The following COL5A3 variants were observed in gnomAD, a reference collection of about 807,000 sequenced individuals.
COL5A3 encodes the protein collagen alpha-3(V) chain.
Under a neutral mutation model 250.0 loss-of-function variants are expected in COL5A3, and 172 were observed. The ratio of observed to expected loss-of-function variants is 0.69; its 90% CI spans 0.61 to 0.78. The LOEUF is 0.78. Among genes scored for constraint, COL5A3 ranks in the 30% least tolerant of loss-of-function variants. COL5A3 has a pLI of 0.00. For missense variants in COL5A3, 2,340 were observed against 2,334.4 expected, an observed-to-expected ratio of 1.00 and a Z score of -0.05; for synonymous variants, 937 against 900.4, an observed-to-expected ratio of 1.04 and a Z score of -0.73.
intron 45 of COL5A3, among the ~76,000 whole-genome samples, chr19:9,976,169 T>G (rs549417170): frequency 1.3e-5 from 2 of 151,450 alleles, no homozygotes; most frequent in African/African-American, 2.4e-5. Flanking sequence ...GGGGAAGACA[T>G]AGTTGGGTTG....
At chr19:10,001,170 G>C (rs2087354786) in intron 8 of COL5A3, among the ~76,000 whole-genome samples, 1 of 151,402 alleles carries the variant, frequency 6.6e-6, no homozygotes, top group South Asian at 2.1e-4. Context: ...TTTCAAGATG[G>C]AGTCTCACTT....
Position 10,003,624 on chromosome 19 carries a change from T to G in COL5A3, c.790A>C (p.Arg264=). 1 of 1,614,206 alleles carries G rather than the reference T, an allele frequency of 6.2e-7. No homozygotes were observed. The highest frequency in any genetic ancestry group is 1.1e-5 in the South Asian group (1 of 91,082). The change falls in exon 6 of 67, where the codon AGG becomes CGG. Residue 264 remains arginine (R), a synonymous_variant. Transcript: ENST00000264828. ...GTCCAAATTTCCTTGTTCTTTTTCC[T>G]GCCCTTCCCCTTGCGACCTCGCCCT... ...KKGRGRKGKG[R]KKNKEIWTSS...
Position 9,968,009 on chromosome 19 carries a change from A to G in COL5A3, c.4368+17T>C. 6.3e-7 allele frequency: 1 copy of G among 1,595,672 alleles called. No homozygotes were observed. The highest frequency in any genetic ancestry group is 1.8e-5 in the Admixed American group (1 of 54,442). On this transcript the variant is annotated intron_variant, in intron 60 of 66. Transcript: ENST00000264828. The surrounding 1 kb of genome is among the most constrained non-coding windows in gnomAD (Gnocchi z 4.1). ...CCACAGTGACCTCATCCCACAAAAGATTCCCTGCATACTCACCGCCACACC... is the reference window on the plus strand; with the variant it reads ...CCACAGTGACCTCATCCCACAAAAGGTTCCCTGCATACTCACCGCCACACC...
chr19:9,990,664 G>A (rs974452617), intron 24 of COL5A3, among the ~76,000 whole-genome samples: 8 of 151,898 alleles, frequency 5.3e-5, no homozygotes, highest in African/African-American at 1.9e-4. Flanking sequence ...CCAGGTTCAT[G>A]CCATTCTCCT....
intron 44 of COL5A3, 58 bp from the exon 45 acceptor site, chr19:9,976,669 C>A (rs2086927552): frequency 7.3e-7 from 1 of 1,364,144 alleles, no homozygotes; most frequent in African/African-American, 1.5e-5. Flanking sequence ...AGAGAGGGCA[C>A]TGGAGCTATC....
intron 32 of COL5A3, 132 bp from the exon 33 acceptor site, chr19:9,981,264 T>G: frequency 1.3e-6 from 1 of 750,266 alleles, no homozygotes; most frequent in Non-Finnish European, 2.3e-6. Flanking sequence ...TTTTCAGTCA[T>G]ACACATACAC....
intron 63 of COL5A3, 47 bp downstream of exon 63, chr19:9,966,489 C>A: frequency 1.3e-6 from 2 of 1,557,476 alleles, no homozygotes; most frequent in Non-Finnish European, 1.7e-6. Context: ...CAACCCCCCC[C>A]ACACCCCCAC....
Position 10,003,648 on chromosome 19 carries a change from C to T in COL5A3, c.766G>A (p.Gly256Arg), listed in dbSNP as rs758280983. 2 of 1,614,178 alleles carry T rather than the reference C, an allele frequency of 1.2e-6. No individual in the cohort carries two copies. The highest frequency in any genetic ancestry group is 1.3e-5 in the African/African-American group (1 of 75,040). The stretch of plus-strand genomic sequence containing the variant: ...CTGCCCTTCCCCTTGCGACCTCGCC[C>T]TTTCTTCCTCCCTTTTCCCTTCCCC... ...RKGKGKGRKK[G>R]RGRKGKGRKK... is the part of the protein sequence containing the mutation. The change falls in exon 6 of 67, where the codon GGG (glycine) becomes AGG (arginine). Residue 256 changes from glycine (G) to arginine (R), a missense_variant. This residue lies in a region of COL5A3 where 1,152 missense variants were observed against 1,146.3 expected (regional missense o/e 1.00). Transcript: ENST00000264828.
Position 9,982,164 on chromosome 19 carries a change from T to G in COL5A3, c.2407-46A>C, listed in dbSNP as rs376335623. ...AGAAGACATGAGGGTGAGGAGTGAGTGGTGGGTGGAATTGGCCCCTCATAC... is the reference window on the plus strand; with the variant it reads ...AGAAGACATGAGGGTGAGGAGTGAGGGGTGGGTGGAATTGGCCCCTCATAC... On this transcript the variant is annotated intron_variant, in intron 31 of 66. Transcript: ENST00000264828. The G allele has an allele frequency of 1.0e-5, 14 of 1,401,328 alleles. 2 individuals carry two copies. The highest frequency in any genetic ancestry group is 9.8e-7 in the Non-Finnish European group (1 of 1,024,086). 86.8% of individuals were successfully genotyped at this position (1,401,328 alleles called of 1,614,324 possible). A position where few individuals can be genotyped will look rare whatever the true frequency, so the allele number is the denominator to read the frequency against.
chr19:9,970,388 G>GGGGTGAGTGGGGTCTGT (rs2145066853), intron 54 of COL5A3, among the ~76,000 whole-genome samples: 1 of 79,896 alleles, frequency 1.3e-5, no homozygotes, highest in South Asian at 5.4e-4. Flanking sequence ...CGGGGGCTGT[G>GGGGTGAGTGGGGTCTGT]GGGTGAGTGG....
At chr19:9,989,724 G>A (rs1284788914) in intron 24 of COL5A3, among the ~76,000 whole-genome samples, 1 of 152,186 alleles carries the variant, frequency 6.6e-6, no homozygotes, top group African/African-American at 2.4e-5. Flanking sequence ...GAAATCCACT[G>A]CCTCTGGGAA....
In COL5A3 at chr19:9,997,376, G is replaced by A; in HGVS notation, c.1258C>T (p.Pro420Ser). 1 of 1,608,790 alleles carries A rather than the reference G, an allele frequency of 6.2e-7. No homozygotes were observed. Among genetic ancestry groups the A allele is most frequent in the Non-Finnish European group, 8.5e-7 (1 of 1,177,624 alleles). The part of the protein sequence containing the change: ...GPPGFPGDPG[P>S]PGPAGLPGIP... ...CCCCAGTGGGAGTCTCTTACCGGTGGACCAGGGTCGCCAGGGAATCCTGGG... is the reference window on the plus strand; with the variant it reads ...CCCCAGTGGGAGTCTCTTACCGGTGAACCAGGGTCGCCAGGGAATCCTGGG... Residue 420 changes from proline (P) to serine (S), a missense_variant, in exon 11 of 67, where the codon CCA becomes TCA. Pro to Ser is a moderately conservative substitution (Grantham distance 74). This residue lies in a region of COL5A3 where 1,152 missense variants were observed against 1,146.3 expected (regional missense o/e 1.00). Transcript: ENST00000264828.
Position 9,969,987 on chromosome 19 carries a change from T to C in COL5A3, c.3937-65A>G, listed in dbSNP as rs1239058136. The stretch of plus-strand genomic sequence containing the variant: ...CTGAGGGTCAGAGGGGTGAGTGGGG[T>C]CTGGGTGACTGGGGGGTTATGGATG... On this transcript the variant is annotated intron_variant, in intron 54 of 66. Coordinates refer to ENST00000264828, the MANE Select transcript of COL5A3 (RefSeq NM_015719.4). 3 of 1,303,626 alleles carry C rather than the reference T, an allele frequency of 2.3e-6. No homozygotes were observed. In the African/African-American group the frequency reaches 4.9e-5, roughly 21 times the overall value. 80.8% of individuals were successfully genotyped at this position (1,303,626 alleles called of 1,614,324 possible).
At chr19:9,963,828 G>A (rs1447190621) in intron 64 of COL5A3, among the ~76,000 whole-genome samples, 1 of 152,052 alleles carries the variant, frequency 6.6e-6, no homozygotes, top group African/African-American at 2.4e-5. Context: ...CCCATCCACT[G>A]GGCATCTGAG....
chr19:9,970,014 G>A, intron 54 of COL5A3, 92 bp from the exon 55 acceptor site: 1 of 895,178 alleles, frequency 1.1e-6, no homozygotes, highest in Non-Finnish European at 1.8e-6. Context: ...TTATGGATGA[G>A]TGGGGTCTGT....
At chr19:9,962,790 C>T in intron 65 of COL5A3, 29 bp downstream of exon 65, 1 of 1,570,940 alleles carries the variant, frequency 6.4e-7, no homozygotes, top group Non-Finnish European at 8.7e-7. Flanking sequence ...ATTTTCATGT[C>T]ACTCCCCATC....
At chr19:9,989,650 A>G (rs1286600868) in intron 24 of COL5A3, 128 bp from the exon 25 acceptor site, 7 of 841,142 alleles carry the variant, frequency 8.3e-6, no homozygotes, top group Non-Finnish European at 1.3e-5. Flanking sequence ...CAGGAAATCT[A>G]TCCCAGCTCT....
In COL5A3 at chr19:9,979,894, TG is replaced by T; in HGVS notation, c.2659-3del. The T allele has an allele frequency of 6.4e-7, 1 of 1,572,200 alleles. No individual in the cohort carries two copies. The highest frequency in any genetic ancestry group is 1.7e-4 in the Middle Eastern group (1 of 5,724). ...TCGCCCATCTTTACCTTGGTGACCC[TG>T]GGGGATGAGGTGGGAAAAAGTTGGG... is the stretch of plus-strand genomic sequence containing the variant. On this transcript the variant is annotated splice_region_variant and splice_polypyrimidine_tract_variant and intron_variant, in intron 36 of 66. Transcript: ENST00000264828.
intron 64 of COL5A3, among the ~76,000 whole-genome samples, chr19:9,964,314 A>C (rs2086708954): frequency 1.3e-5 from 2 of 152,108 alleles, no homozygotes; most frequent in Non-Finnish European, 2.9e-5. Context: ...TAAAAATTAG[A>C]ATAGACCGGG....
Sources: allele counts gnomAD v4.1 joint callset (sites outside exome capture counted in the v4.1 genomes callset), GRCh38; gene constraint gnomAD v4.1.1; regional missense constraint gnomAD v4.1.1; non-coding constraint Gnocchi (gnomAD v3.1); transcripts MANE v1.5; gene names NCBI Gene and HGNC (gene_info 2026-07-23, HGNC 2026-07-21).